The following TSPEAR variants were observed in gnomAD, a reference collection of about 807,000 sequenced individuals.
TSPEAR encodes the protein thrombospondin type laminin G domain and EAR repeats, also known as thrombospondin-type laminin G domain and EAR repeat-containing protein.
TSPEAR carries 69 observed loss-of-function variants against 71.6 expected under a neutral mutation model. The ratio of observed to expected loss-of-function variants is 0.96; its 90% CI spans 0.79 to 1.18. TSPEAR has a LOEUF of 1.18. Among genes scored for constraint, TSPEAR ranks in the 50% most tolerant of loss-of-function variants. The probability of loss-of-function intolerance (pLI) is 0.00; values close to 1 mark genes in which losing one functional copy is unlikely to be tolerated. For missense variants in TSPEAR, 971 were observed against 894.9 expected, an observed-to-expected ratio of 1.09 and a Z score of -1.09; for synonymous variants, 402 against 387.2, an observed-to-expected ratio of 1.04 and a Z score of -0.45.
At chr21:44,505,826 A>G (rs1483847102) in intron 10 of TSPEAR, among the ~76,000 whole-genome samples, 4 of 151,926 alleles carry the variant, frequency 2.6e-5, no homozygotes, top group Non-Finnish European at 5.9e-5. Context: ...CACTTGGGGA[A>G]TTTCCTCCAT....
chr21:44,558,254 G>A (rs1555920265), intron 2 of TSPEAR: 8 of 1,614,082 alleles, frequency 5.0e-6, no homozygotes, highest in Non-Finnish European at 6.8e-6. Flanking sequence ...CGGAGGAGGA[G>A]GGTCTGCAGC....
chr21:44,705,885 T>C (rs1328327910), intron 1 of TSPEAR, among the ~76,000 whole-genome samples: 1 of 152,198 alleles, frequency 6.6e-6, no homozygotes, highest in Admixed American at 6.5e-5. Context: ...CGCACACTCC[T>C]TCCCCTTTTG....
At chr21:44,648,016 C>T (rs1445840820) in intron 1 of TSPEAR, among the ~76,000 whole-genome samples, 1 of 152,230 alleles carries the variant, frequency 6.6e-6, no homozygotes, top group Admixed American at 6.5e-5. Flanking sequence ...GCCCCAGGCA[C>T]CGTGCTGGCC....
At chr21:44,613,039 C>T in intron 1 of TSPEAR, 2 of 1,096,916 alleles carry the variant, frequency 1.8e-6, no homozygotes, top group Non-Finnish European at 2.6e-6. Flanking sequence ...CTCCCAGGAG[C>T]CTCCATCCTC....
intron 1 of TSPEAR, chr21:44,580,379 C>G: frequency 6.2e-7 from 1 of 1,613,464 alleles, no homozygotes; most frequent in Non-Finnish European, 8.5e-7. Flanking sequence ...CGTGCAGGAG[C>G]TGGTGCAGCC....
intron 1 of TSPEAR, chr21:44,677,925 A>G (rs782107825): frequency 4.3e-6 from 6 of 1,395,204 alleles, no homozygotes; most frequent in Non-Finnish European, 6.0e-6. Context: ...ACCTCCACCA[A>G]AAAACAAAAG....
intron 1 of TSPEAR, among the ~76,000 whole-genome samples, chr21:44,675,416 A>C (rs1986262042): frequency 6.6e-6 from 1 of 152,248 alleles, no homozygotes; most frequent in Non-Finnish European, 1.5e-5. Context: ...GTACAGAAGA[A>C]ACATACCTCA....
chr21:44,709,087 A>ACTCCCAGC (rs562514643), intron 1 of TSPEAR, among the ~76,000 whole-genome samples: 1 of 151,928 alleles, frequency 6.6e-6, no homozygotes, highest in Non-Finnish European at 1.5e-5. Flanking sequence ...CAGCTCCCGC[A>ACTCCCAGC]CTCCCAGCCT....
At chr21:44,656,716 C>T (rs782708283) in intron 1 of TSPEAR, among the ~76,000 whole-genome samples, 4 of 152,120 alleles carry the variant, frequency 2.6e-5, no homozygotes, top group Non-Finnish European at 4.4e-5. Context: ...TTTTTTAAAT[C>T]ATATTTGGTG....
chr21:44,534,425 AG>A (rs1351425656), intron 2 of TSPEAR, among the ~76,000 whole-genome samples: 7 of 9,224 alleles, frequency 7.6e-4, no homozygotes, highest in African/African-American at 3.2e-3. Context: ...CTGGTGTGTG[AG>A]GGGGCAGGGT....
chr21:44,682,878 G>A (rs1279812779), intron 1 of TSPEAR, among the ~76,000 whole-genome samples: 5 of 152,170 alleles, frequency 3.3e-5, no homozygotes, highest in South Asian at 4.1e-4. Context: ...GCAGAGAAGC[G>A]GAAAGAAGGA....
intron 3 of TSPEAR, among the ~76,000 whole-genome samples, chr21:44,533,171 G>A (rs2053007581): frequency 6.6e-6 from 1 of 152,210 alleles, no homozygotes; most frequent in Non-Finnish European, 1.5e-5. Flanking sequence ...TAAAATCGGG[G>A]TTTTGACAGG....
chr21:44,533,617 G>T, intron 3 of TSPEAR, 68 bp downstream of exon 3: 1 of 1,353,658 alleles, frequency 7.4e-7, no homozygotes, highest in Non-Finnish European at 1.0e-6. Flanking sequence ...GGCGAGCACG[G>T]CTGAAGGATG....
At chr21:44,655,473 G>A (rs1284243983) in intron 1 of TSPEAR, among the ~76,000 whole-genome samples, 2 of 152,178 alleles carry the variant, frequency 1.3e-5, no homozygotes, top group African/African-American at 2.4e-5. Context: ...CACCTCAGAA[G>A]TGCCCACTTC....
At position 44,641,246 on chromosome 21, in the gene TSPEAR, A is replaced by C. The variant is rs587596445; in HGVS notation, c.82+70187T>G. Among the ~76,000 whole-genome samples, 38 of 152,302 alleles carry C rather than the reference A, an allele frequency of 2.5e-4. No individual in the cohort carries two copies. In the South Asian group the frequency reaches 7.5e-3, roughly 30 times the overall value. On this transcript the variant is annotated intron_variant, in intron 1 of 11. Transcript: ENST00000323084. Reference sequence around the variant, plus strand: ...AACAAGCGATGATGCAGATGTGAGGAAACAAAGAGGCTGTCACTCCATGAA... The same window carrying C: ...AACAAGCGATGATGCAGATGTGAGGCAACAAAGAGGCTGTCACTCCATGAA...
At chr21:44,599,662 G>A (rs1980643402) in intron 1 of TSPEAR, among the ~76,000 whole-genome samples, 1 of 152,268 alleles carries the variant, frequency 6.6e-6, no homozygotes, top group Admixed American at 6.5e-5. Context: ...AGAAGTAAAA[G>A]TATCGGATAC....
chr21:44,706,804 G>A (rs1987949269), intron 1 of TSPEAR, among the ~76,000 whole-genome samples: 1 of 152,186 alleles, frequency 6.6e-6, no homozygotes, highest in Admixed American at 6.5e-5. Context: ...GCGCCCCTGA[G>A]CCCCTGACAG....
At chr21:44,583,357 T>A (rs943606339) in intron 1 of TSPEAR, among the ~76,000 whole-genome samples, 2 of 152,258 alleles carry the variant, frequency 1.3e-5, no homozygotes, top group Non-Finnish European at 2.9e-5. Flanking sequence ...CTCCCTTTCA[T>A]CGTGGCTGGC....
intron 2 of TSPEAR, among the ~76,000 whole-genome samples, chr21:44,553,337 G>T (rs1056392062): frequency 1.3e-5 from 2 of 151,994 alleles, no homozygotes; most frequent in Non-Finnish European, 2.9e-5. Flanking sequence ...GTGAGTCTCC[G>T]ATTCTAAAAA....
Sources: gnomAD v4.1 joint callset for allele counts (sites outside exome capture counted in the v4.1 genomes callset) on GRCh38, gnomAD v4.1.1 for gene constraint, MANE v1.5 for transcripts, NCBI Gene and HGNC (gene_info 2026-07-23, HGNC 2026-07-21) for gene names.